Variants in ARHGAP6 observed in about 807,000 individuals in gnomAD.
ARHGAP6 encodes the protein rho GTPase-activating protein 6.
ARHGAP6 carries 16 observed loss-of-function variants against 55.7 expected under a neutral mutation model. That is an observed-to-expected ratio of 0.29 (90% CI 0.19 to 0.44). The LOEUF (loss-of-function observed/expected upper bound fraction) is 0.44, where lower values mean the gene tolerates loss of function less well. Among genes scored for constraint, ARHGAP6 ranks in the 20% least tolerant of loss-of-function variants. The pLI is 1.00. For synonymous variants in ARHGAP6, 382 were observed against 360.9 expected (o/e 1.06, Z -0.66); for missense variants, 698 against 808.9 (o/e 0.86, Z 1.66).
At chrX:11,290,879 G>A (rs1023503885) in intron 1 of ARHGAP6, among the ~76,000 whole-genome samples, 2 of 112,018 alleles carry the variant, frequency 1.8e-5, no homozygotes, top group African/African-American at 6.5e-5. Context: ...TCCCAGGCCA[G>A]CCCCACTTAG....
chrX:11,366,726 T>C (rs183935583), intron 1 of ARHGAP6, among the ~76,000 whole-genome samples: 2 of 112,053 alleles, frequency 1.8e-5, no homozygotes, highest in Admixed American at 1.9e-4. Context: ...TGGGGTGGTG[T>C]TCAGTTTTCA....
intron 1 of ARHGAP6, among the ~76,000 whole-genome samples, chrX:11,266,206 A>C (rs1305129252): frequency 1.8e-5 from 2 of 110,411 alleles, no homozygotes; most frequent in Non-Finnish European, 3.8e-5. Context: ...CCTCTAAAAA[A>C]AATCCTCTTT....
intron 2 of ARHGAP6, among the ~76,000 whole-genome samples, chrX:11,236,121 A>G (rs1174170845): frequency 8.9e-6 from 1 of 112,018 alleles, no homozygotes; most frequent in African/African-American, 3.2e-5. Context: ...GAGACTGGGT[A>G]ATTTATAAAT....
intron 1 of ARHGAP6, among the ~76,000 whole-genome samples, chrX:11,292,973 CA>C (rs1255716593): frequency 9.0e-6 from 1 of 111,612 alleles, no homozygotes; most frequent in African/African-American, 3.3e-5. Context: ...GGGTTTTACC[CA>C]AATGGGAATT....
intron 1 of ARHGAP6, among the ~76,000 whole-genome samples, chrX:11,286,726 C>A (rs1409924835): frequency 8.9e-6 from 1 of 112,230 alleles, no homozygotes; most frequent in Non-Finnish European, 1.9e-5. Context: ...TGCTAAACAT[C>A]CCTCAGCAAA....
chrX:11,356,725 T>C (rs748807399), intron 1 of ARHGAP6, among the ~76,000 whole-genome samples: 28 of 111,758 alleles, frequency 2.5e-4, no homozygotes, highest in Non-Finnish European at 4.3e-4. Flanking sequence ...TTCAACACTA[T>C]AGTGATTTAA....
chrX:11,317,084 C>G (rs1258607075), intron 1 of ARHGAP6, among the ~76,000 whole-genome samples: 1 of 112,526 alleles, frequency 8.9e-6, no homozygotes, highest in Non-Finnish European at 1.9e-5. Context: ...GATCTCAGAA[C>G]CCAGGCCTAA....
In ARHGAP6 at chrX:11,372,061, A is replaced by T. The variant is rs768352080; in HGVS notation, c.589-117354T>A. On this transcript the variant is annotated intron_variant, in intron 1 of 12. Coordinates refer to ENST00000337414, the MANE Select transcript of ARHGAP6 (RefSeq NM_013427.3). ...TTTAAGACATAAATATCTAAAGTTG[A>T]TAAAACAAAAGGGGAAACAAGCCCA... Among the ~76,000 whole-genome samples the T allele has an allele frequency of 1.9e-4, 21 of 112,372 alleles. No individual in the cohort carries two copies. The East Asian group carries it at 5.8e-3, about 31-fold the overall frequency.
intron 1 of ARHGAP6, among the ~76,000 whole-genome samples, chrX:11,517,230 C>G (rs1221404044): frequency 4.5e-5 from 5 of 111,643 alleles, no homozygotes; most frequent in Admixed American, 1.9e-4. Flanking sequence ...AGACAACAAA[C>G]AGACACATGC....
intron 1 of ARHGAP6, among the ~76,000 whole-genome samples, chrX:11,346,865 G>T (rs757023315): frequency 1.8e-4 from 20 of 111,687 alleles, no homozygotes; most frequent in Non-Finnish European, 2.1e-4. Context: ...CTACATTTTT[G>T]CTTTAATACA....
intron 1 of ARHGAP6, among the ~76,000 whole-genome samples, chrX:11,285,587 T>A (rs150649887): frequency 2.1e-3 from 231 of 112,215 alleles, no homozygotes; most frequent in Non-Finnish European, 3.9e-3. Flanking sequence ...GGGTCAAGGC[T>A]GCGCAGTCTA....
intron 2 of ARHGAP6, among the ~76,000 whole-genome samples, chrX:11,253,565 T>C (rs1034291420): frequency 7.1e-5 from 8 of 112,003 alleles, no homozygotes; most frequent in African/African-American, 2.6e-4. Context: ...TTTTTCATTC[T>C]GCCTCAAAGT....
At chrX:11,427,390 A>C (rs1391552808) in intron 1 of ARHGAP6, among the ~76,000 whole-genome samples, 1 of 112,507 alleles carries the variant, frequency 8.9e-6, no homozygotes, top group Non-Finnish European at 1.9e-5. Flanking sequence ...CCACTGAGTT[A>C]GTGAGCAGGT....
At chrX:11,350,642 A>G (rs1020397662) in intron 1 of ARHGAP6, among the ~76,000 whole-genome samples, 2 of 112,346 alleles carry the variant, frequency 1.8e-5, no homozygotes, top group African/African-American at 6.5e-5. Flanking sequence ...CCACATTTCT[A>G]CTGTCCCAAA....
intron 1 of ARHGAP6, among the ~76,000 whole-genome samples, chrX:11,307,750 G>A (rs888604783): frequency 3.6e-5 from 4 of 112,265 alleles, no homozygotes; most frequent in Non-Finnish European, 5.6e-5. Flanking sequence ...CACTTGGAAA[G>A]CAATGGGATT....
intron 1 of ARHGAP6, among the ~76,000 whole-genome samples, chrX:11,370,958 T>G (rs1014451063): frequency 1.2e-4 from 13 of 111,953 alleles, no homozygotes; most frequent in African/African-American, 3.6e-4. Flanking sequence ...ACTATCACAA[T>G]GACTGGAGGG....
chrX:11,487,981 A>G (rs912565252), intron 1 of ARHGAP6, among the ~76,000 whole-genome samples: 5 of 112,564 alleles, frequency 4.4e-5, no homozygotes, highest in African/African-American at 1.6e-4. Context: ...TGTGATATTC[A>G]TATCAAAAAC....
At chrX:11,362,124 A>G (rs1344262780) in intron 1 of ARHGAP6, among the ~76,000 whole-genome samples, 2 of 111,931 alleles carry the variant, frequency 1.8e-5, no homozygotes, top group Admixed American at 9.4e-5. Context: ...AGAACTAGAA[A>G]CACCATTTGA....
chrX:11,156,494 T>C (rs773346459), intron 10 of ARHGAP6, 35 bp downstream of exon 10: 4 of 1,118,576 alleles, frequency 3.6e-6, no homozygotes, highest in Non-Finnish European at 3.7e-6. Flanking sequence ...AAATCTCCAA[T>C]GCGGCTTTAG....
Sources: gnomAD v4.1 joint callset for allele counts (sites outside exome capture counted in the v4.1 genomes callset) on GRCh38, gnomAD v4.1.1 for gene constraint, MANE v1.5 for transcripts, NCBI Gene and HGNC (gene_info 2026-07-23, HGNC 2026-07-21) for gene names.